Variants in FERMT2 observed in about 807,000 individuals in gnomAD.
The protein encoded by FERMT2 is fermitin family homolog 2.
A neutral mutation model predicts 82.7 loss-of-function variants in FERMT2; 15 were observed. The ratio of observed to expected loss-of-function variants is 0.18; its 90% CI spans 0.12 to 0.28. The LOEUF (loss-of-function observed/expected upper bound fraction) is 0.28. Among genes scored for constraint, FERMT2 ranks in the 10% least tolerant of loss-of-function variants. The probability of loss-of-function intolerance (pLI) is 1.00; values close to 1 mark genes in which losing one functional copy is unlikely to be tolerated. For synonymous variants in FERMT2, 274 were observed against 271.5 expected (o/e 1.01, Z -0.09); for missense variants, 645 against 809.4 (o/e 0.80, Z 2.46).
rs752746667 is a variant in FERMT2 at position 52,864,526 on chromosome 14, G to C, written c.1477C>G (p.Leu493Val). ...AAATGCTGCATCTTCAGAAAGGAAA[G>C]AATATTCTGAACTTCTAAGTTGTAA... ...SSYNLEVQNILSFLKMQHLNP... is the reference protein window; with the variant it reads ...SSYNLEVQNIVSFLKMQHLNP... Residue 493 changes from leucine (L) to valine (V), a missense_variant, in exon 12 of 15, where the codon CTT becomes GTT. Leu to Val is a conservative substitution (Grantham distance 32). Transcript: ENST00000341590. 1.2e-5 allele frequency: 20 copies of C among 1,613,698 alleles called. No individual in the cohort carries two copies. The highest frequency in any genetic ancestry group is 1.7e-5 in the Admixed American group (1 of 59,990).
intron 2 of FERMT2, among the ~76,000 whole-genome samples, chr14:52,936,876 C>T (rs959709953): frequency 5.3e-5 from 8 of 152,004 alleles, no homozygotes; most frequent in East Asian, 1.9e-4. Context: ...GTCTTTAGGT[C>T]GGGAGCAGTG....
At chr14:52,907,653 G>A (rs543257142) in intron 3 of FERMT2, among the ~76,000 whole-genome samples, 3 of 152,038 alleles carry the variant, frequency 2.0e-5, no homozygotes, top group Non-Finnish European at 4.4e-5. Flanking sequence ...TTGAAGGTAG[G>A]CTGAATAAGT....
At chr14:52,924,518 T>A (rs12882597) in intron 2 of FERMT2, among the ~76,000 whole-genome samples, 1 of 151,994 alleles carries the variant, frequency 6.6e-6, no homozygotes, top group Non-Finnish European at 1.5e-5. Context: ...TTTTAAGCAG[T>A]AGTCACTTGT....
chr14:52,913,332 A>G (rs1888431006), intron 3 of FERMT2, among the ~76,000 whole-genome samples: 1 of 152,180 alleles, frequency 6.6e-6, no homozygotes, highest in Non-Finnish European at 1.5e-5. Flanking sequence ...TCGGGAGTAA[A>G]TGGGCCAATA....
In FERMT2 at chr14:52,881,235, A is replaced by G; in HGVS notation, c.752+9T>C. ...AGAAATTCAATTTTATCTATATCTTAAAACTTACCCTTGGTTGATTTTTGC... is the reference window on the plus strand; with the variant it reads ...AGAAATTCAATTTTATCTATATCTTGAAACTTACCCTTGGTTGATTTTTGC... On this transcript the variant is annotated intron_variant, in intron 5 of 14. Coordinates refer to ENST00000341590, the MANE Select transcript of FERMT2 (RefSeq NM_006832.3). 3.7e-6 allele frequency: 6 copies of G among 1,611,794 alleles called. No individual in the cohort carries two copies. The highest frequency in any genetic ancestry group is 5.1e-6 in the Non-Finnish European group (6 of 1,177,952).
At chr14:52,907,548 T>G (rs748052088) in intron 3 of FERMT2, among the ~76,000 whole-genome samples, 1 of 152,034 alleles carries the variant, frequency 6.6e-6, no homozygotes, top group African/African-American at 2.4e-5. Flanking sequence ...TTAGCATATA[T>G]AGGAGTAAAA....
At chr14:52,894,688 G>A (rs916010678) in intron 3 of FERMT2, among the ~76,000 whole-genome samples, 7 of 152,002 alleles carry the variant, frequency 4.6e-5, no homozygotes, top group Non-Finnish European at 7.4e-5. Flanking sequence ...TTTCAACAAA[G>A]TGCTGAACAA....
chr14:52,924,167 T>A (rs569760506), intron 2 of FERMT2, among the ~76,000 whole-genome samples: 1 of 152,284 alleles, frequency 6.6e-6, no homozygotes, highest in Admixed American at 6.5e-5. Context: ...CAAAACAAAG[T>A]TCCAGCACCA....
At chr14:52,896,730 C>T (rs1354450160) in intron 3 of FERMT2, among the ~76,000 whole-genome samples, 1 of 152,172 alleles carries the variant, frequency 6.6e-6, no homozygotes, top group Non-Finnish European at 1.5e-5. Context: ...TGGTTCACGC[C>T]TGTAATCCCA....
chr14:52,950,333 CT>C, intron 2 of FERMT2, 78 bp downstream of exon 2: 1 of 1,432,594 alleles, frequency 7.0e-7, no homozygotes, highest in Non-Finnish European at 9.6e-7. Flanking sequence ...AAATGGGCCC[CT>C]CCCCCGTCGT....
intron 2 of FERMT2, among the ~76,000 whole-genome samples, chr14:52,942,377 A>T (rs1195263990): frequency 6.8e-6 from 1 of 146,678 alleles, no homozygotes; most frequent in South Asian, 2.1e-4. Flanking sequence ...ATCCCGGCTC[A>T]CTGCAAGCTC....
chr14:52,893,303 A>G lies in FERMT2; in HGVS notation c.516T>C (p.Thr172=). The change falls in exon 4 of 15, where the codon ACT becomes ACC. Residue 172 remains threonine, a synonymous_variant. Coordinates refer to ENST00000341590, the MANE Select transcript of FERMT2 (RefSeq NM_006832.3). ...EALELEGPLI[T]PGSGSIYSSP... is the part of the protein sequence containing the mutation. ...TGGTAAAAGTCTTACCTGATCCAGG[A>G]GTGATAAGAGGCCCCTCTAATTCAA... 1 of 1,605,848 alleles carries G rather than the reference A, an allele frequency of 6.2e-7. No homozygotes were observed. Among genetic ancestry groups the G allele is most frequent in the South Asian group, 1.1e-5 (1 of 89,032 alleles).
chr14:52,877,369 A>C (rs1465182904), intron 7 of FERMT2, among the ~76,000 whole-genome samples: 3 of 152,094 alleles, frequency 2.0e-5, no homozygotes, highest in Non-Finnish European at 4.4e-5. Flanking sequence ...ACTCCCAACA[A>C]ACTGCTCCAG....
At position 52,858,079 on chromosome 14, in the gene FERMT2, C is replaced by A; in HGVS notation, c.*298G>T. ...TTTAAAATAGATGGCTTGTTTCTTA[C>A]AGTTTGGCTAGCTTAAATCAGTAAA... is the stretch of plus-strand genomic sequence containing the variant. On this transcript the variant is annotated 3_prime_UTR_variant, in exon 15 of 15. Transcript: ENST00000341590. The A allele has an allele frequency of 3.1e-6, 1 of 318,554 alleles. No individual in the cohort carries two copies. 19.7% of individuals were successfully genotyped at this position (318,554 alleles called of 1,614,324 possible). A position where few individuals can be genotyped will look rare whatever the true frequency, so the allele number is the denominator to read the frequency against.
chr14:52,915,630 A>G (rs2139628018), intron 3 of FERMT2, among the ~76,000 whole-genome samples: 1 of 152,352 alleles, frequency 6.6e-6, no homozygotes, highest in African/African-American at 2.4e-5. Context: ...CTAAGTAGAT[A>G]AAAGCAGTAA....
rs978160374 is a variant in FERMT2, at chr14:52,909,370, G to A, written c.391+9753C>T. ...CATGCTGAGGGGTGAGGAACTGAGG[G>A]ATGGAAAGAGCTTGTCCTTGAAGAC... On this transcript the variant is annotated intron_variant, in intron 3 of 14. Transcript: ENST00000341590. Among the ~76,000 whole-genome samples the A allele has an allele frequency of 2.6e-5, 4 of 152,294 alleles. No homozygotes were observed. The South Asian group carries it at 8.3e-4, about 32-fold the overall frequency.
chr14:52,922,036 GAA>G (rs1594997571), intron 2 of FERMT2, among the ~76,000 whole-genome samples: 1 of 152,154 alleles, frequency 6.6e-6, no homozygotes, highest in East Asian at 1.9e-4. Context: ...GGTTCCTCCA[GAA>G]GGCATCCCTG....
At chr14:52,939,917 T>C (rs1026581680) in intron 2 of FERMT2, among the ~76,000 whole-genome samples, 9 of 152,254 alleles carry the variant, frequency 5.9e-5, no homozygotes, top group South Asian at 2.1e-4. Flanking sequence ...CAACTTCATC[T>C]ACAATCAATA....
At chr14:52,900,774 C>A (rs1887577317) in intron 3 of FERMT2, among the ~76,000 whole-genome samples, 1 of 152,094 alleles carries the variant, frequency 6.6e-6, no homozygotes, top group African/African-American at 2.4e-5. Context: ...TGTTCCATTA[C>A]TGAATTAAAC....
Sources: allele counts gnomAD v4.1 joint callset (sites outside exome capture counted in the v4.1 genomes callset), GRCh38; gene constraint gnomAD v4.1.1; transcripts MANE v1.5; gene names NCBI Gene and HGNC (gene_info 2026-07-23, HGNC 2026-07-21).